Variants in FGD4 observed in about 807,000 individuals in gnomAD.
FGD4 encodes FYVE, RhoGEF and PH domain-containing protein 4.
Under a neutral mutation model 102.0 loss-of-function variants are expected in FGD4, and 42 were observed. The observed-to-expected ratio is 0.41, with a 90% CI of 0.32 to 0.53. The LOEUF (loss-of-function observed/expected upper bound fraction) is 0.53, where lower values mean the gene tolerates loss of function less well. FGD4 is among the 20% of genes least tolerant of loss of function. FGD4 has a pLI of 0.21. For missense variants in FGD4, 902 were observed against 1,078.2 expected (o/e 0.84, Z 2.29); for synonymous variants, 380 against 375.7 (o/e 1.01, Z -0.13).
chr12:32,619,255 G>A (rs1018455110), intron 10 of FGD4, among the ~76,000 whole-genome samples: 1 of 152,238 alleles, frequency 6.6e-6, no homozygotes, highest in African/African-American at 2.4e-5. Context: ...CAGTGTTTTA[G>A]TAAATAATTT....
At chr12:32,460,730 G>GAA (rs1246422620) in intron 1 of FGD4, among the ~76,000 whole-genome samples, 2 of 152,172 alleles carry the variant, frequency 1.3e-5, no homozygotes, top group African/African-American at 4.8e-5. Flanking sequence ...AGGTACCAGT[G>GAA]ATTATATGAT....
At chr12:32,495,683 G>C (rs1373249392) in intron 1 of FGD4, among the ~76,000 whole-genome samples, 1 of 113,872 alleles carries the variant, frequency 8.8e-6, no homozygotes, top group Non-Finnish European at 1.7e-5. Flanking sequence ...GCCACAGAGA[G>C]AGACTCTGTT....
chr12:32,579,702 A>C (rs1325833155), intron 3 of FGD4: 3 of 152,266 alleles, frequency 2.0e-5, no homozygotes, highest in Admixed American at 2.0e-4. Context: ...GAAATTATCC[A>C]GGCCAAAGTT....
chr12:32,522,329 TTTC>T (rs2136748878), intron 1 of FGD4, among the ~76,000 whole-genome samples: 1 of 152,330 alleles, frequency 6.6e-6, no homozygotes, highest in South Asian at 2.1e-4. Context: ...TAGGGTATCT[TTTC>T]TTTCCACATT....
intron 1 of FGD4, among the ~76,000 whole-genome samples, chr12:32,495,726 A>G (rs979748581): frequency 1.4e-5 from 2 of 147,368 alleles, no homozygotes; most frequent in African/African-American, 5.1e-5. Flanking sequence ...GCTTTTCAGA[A>G]TCCCCTCCAC....
intron 1 of FGD4, among the ~76,000 whole-genome samples, chr12:32,443,544 T>TG (rs1228196380): frequency 6.7e-6 from 1 of 148,808 alleles, no homozygotes; most frequent in Non-Finnish European, 1.5e-5. Context: ...GTTTTTTTTT[T>TG]TTTTTTTTTT....
intron 1 of FGD4, among the ~76,000 whole-genome samples, chr12:32,471,964 A>G (rs536816127): frequency 1.3e-5 from 2 of 152,330 alleles, no homozygotes; most frequent in East Asian, 3.9e-4. Flanking sequence ...TGATCACCAA[A>G]ATAACCACTG....
intron 1 of FGD4, among the ~76,000 whole-genome samples, chr12:32,520,989 C>T (rs1305125009): frequency 6.6e-6 from 1 of 152,066 alleles, no homozygotes; most frequent in Non-Finnish European, 1.5e-5. Context: ...CCCTTTGGTT[C>T]CTCGAGAAGG....
At chr12:32,459,574 A>G (rs745318705) in intron 1 of FGD4, among the ~76,000 whole-genome samples, 4 of 152,218 alleles carry the variant, frequency 2.6e-5, no homozygotes, top group African/African-American at 7.2e-5. Flanking sequence ...ATCTCCTTCA[A>G]AAATAAAGAT....
intron 7 of FGD4, among the ~76,000 whole-genome samples, chr12:32,607,550 C>G (rs772064123): frequency 3.3e-5 from 5 of 152,230 alleles, no homozygotes; most frequent in Non-Finnish European, 5.9e-5. Context: ...GAGTCTCACT[C>G]TGTCACCCAG....
At chr12:32,600,524 G>C (rs1343669318) in intron 5 of FGD4, 9 of 1,103,116 alleles carry the variant, frequency 8.2e-6, no homozygotes, top group Non-Finnish European at 1.0e-5. Flanking sequence ...AGTAGCCCTA[G>C]TGAAGTATAG....
intron 8 of FGD4, among the ~76,000 whole-genome samples, chr12:32,609,052 C>G (rs1948971690): frequency 6.6e-6 from 1 of 152,112 alleles, no homozygotes; most frequent in Non-Finnish European, 1.5e-5. Context: ...TTAGTAGAGA[C>G]GGGTTTTCAC....
chr12:32,484,121 T>C (rs981709693), intron 1 of FGD4, among the ~76,000 whole-genome samples: 33 of 152,222 alleles, frequency 2.2e-4, no homozygotes, highest in Non-Finnish European at 2.1e-4. Context: ...GTGCATATCT[T>C]GTCTGCCTCA....
chr12:32,626,401 A>G (rs755110829), intron 14 of FGD4, among the ~76,000 whole-genome samples: 2 of 149,458 alleles, frequency 1.3e-5, no homozygotes, highest in Non-Finnish European at 3.0e-5. Flanking sequence ...CTGAGATCGC[A>G]CCATTGCACT....
intron 14 of FGD4, among the ~76,000 whole-genome samples, chr12:32,629,603 C>G (rs1350853729): frequency 1.3e-5 from 2 of 152,114 alleles, no homozygotes; most frequent in African/African-American, 4.8e-5. Flanking sequence ...TCATCTCATT[C>G]CATCTTCCAT....
intron 1 of FGD4, among the ~76,000 whole-genome samples, chr12:32,530,612 C>G (rs1453976958): frequency 6.6e-6 from 1 of 152,136 alleles, no homozygotes; most frequent in African/African-American, 2.4e-5. Context: ...GTCTTCAGAG[C>G]TGGAGGTATT....
intron 1 of FGD4, among the ~76,000 whole-genome samples, chr12:32,535,462 G>C (rs1185494583): frequency 6.6e-6 from 1 of 152,064 alleles, no homozygotes; most frequent in African/African-American, 2.4e-5. Context: ...AGCTGGCTCC[G>C]TTCCCAGGTT....
intron 2 of FGD4, 75 bp from the exon 3 acceptor site, chr12:32,576,191 A>G: frequency 6.9e-7 from 1 of 1,447,852 alleles, no homozygotes; most frequent in Non-Finnish European, 9.4e-7. Flanking sequence ...ATATTTTTGC[A>G]CCCAGGACAC....
At chr12:32,438,637 T>G (rs1419003826) in intron 1 of FGD4, among the ~76,000 whole-genome samples, 1 of 149,852 alleles carries the variant, frequency 6.7e-6, no homozygotes, top group African/African-American at 2.5e-5. Flanking sequence ...TGAGATGGAG[T>G]CTCGCTCTGT....
Sources: allele counts gnomAD v4.1 joint callset (sites outside exome capture counted in the v4.1 genomes callset), GRCh38; gene constraint gnomAD v4.1.1; transcripts MANE v1.5; gene names NCBI Gene and HGNC (gene_info 2026-07-23, HGNC 2026-07-21).